SNX29: variants seen among roughly 807,000 people sequenced by gnomAD.
The protein encoded by SNX29 is sorting nexin-29.
A neutral mutation model predicts 102.1 loss-of-function variants in SNX29; 78 were observed. That is an observed-to-expected ratio of 0.76 (90% CI 0.64 to 0.92). The LOEUF (loss-of-function observed/expected upper bound fraction) is 0.92. Ranked by LOEUF, SNX29 falls within the 40% of genes least tolerant of loss-of-function variation. The probability of loss-of-function intolerance (pLI) is 0.00; values close to 1 mark genes in which losing one functional copy is unlikely to be tolerated. For missense variants in SNX29, 1,280 were observed against 1,061.7 expected (o/e 1.21, Z -2.86); for synonymous variants, 580 against 414.5 (o/e 1.40, Z -4.85).
chr16:12,409,188 A>G (rs1332858552), intron 18 of SNX29, among the ~76,000 whole-genome samples: 2 of 152,228 alleles, frequency 1.3e-5, no homozygotes, highest in East Asian at 3.8e-4. Flanking sequence ...GCCGGAGACA[A>G]AATGATTAAG....
intron 15 of SNX29, among the ~76,000 whole-genome samples, chr16:12,321,880 C>G (rs2080943984): frequency 6.6e-6 from 1 of 152,176 alleles, no homozygotes; most frequent in South Asian, 2.1e-4. Flanking sequence ...GATATCACAG[C>G]TGTGCCAGGG....
chr16:12,501,401 C>G (rs543032859), intron 19 of SNX29, among the ~76,000 whole-genome samples: 3 of 152,144 alleles, frequency 2.0e-5, no homozygotes, highest in East Asian at 3.9e-4. Context: ...GAAACGCTAT[C>G]TCTTTAAAAA....
chr16:12,330,952 A>G (rs1309285725), intron 15 of SNX29, among the ~76,000 whole-genome samples: 3 of 152,236 alleles, frequency 2.0e-5, no homozygotes, highest in Non-Finnish European at 4.4e-5. Context: ...CCCCTGGCTT[A>G]TAGGCTGCAG....
At chr16:12,539,190 AG>A (rs1268342174) in intron 20 of SNX29, among the ~76,000 whole-genome samples, 1 of 152,214 alleles carries the variant, frequency 6.6e-6, no homozygotes, top group Non-Finnish European at 1.5e-5. Flanking sequence ...ACACATGCAT[AG>A]ATTTGAGTAA....
At position 12,423,693 on chromosome 16, in the gene SNX29, C is replaced by T. The variant is rs937080725; in HGVS notation, c.2037+20164C>T. On this transcript the variant is annotated intron_variant, in intron 18 of 20. Coordinates refer to ENST00000566228, the MANE Select transcript of SNX29 (RefSeq NM_032167.5). ...TCAAACCATTCTCCTGTCTCAGCCT[C>T]CCGAATAGCTGGGGTTACAGGCGCG... Among the ~76,000 whole-genome samples the T allele has an allele frequency of 1.9e-4, 29 of 152,164 alleles. 1 individual carries two copies. The highest frequency in any genetic ancestry group is 6.5e-4 in the African/African-American group (27 of 41,434).
intron 11 of SNX29, among the ~76,000 whole-genome samples, chr16:12,103,528 T>C (rs1596892321): frequency 1.3e-5 from 2 of 152,326 alleles, no homozygotes; most frequent in East Asian, 3.9e-4. Flanking sequence ...TTACACCTTA[T>C]ACAAAAATTA....
intron 15 of SNX29, among the ~76,000 whole-genome samples, chr16:12,297,593 T>A (rs2080024755): frequency 6.6e-6 from 1 of 152,066 alleles, no homozygotes; most frequent in African/African-American, 2.4e-5. Context: ...GTTATAAAGA[T>A]CACAGAGTTA....
intron 13 of SNX29, chr16:12,135,881 A>G (rs73519809): frequency 0.013 from 4,212 of 331,816 alleles, 188 homozygotes; most frequent in African/African-American, 0.086. Context: ...TGCCAGGTCC[A>G]GGAAGGGGCT....
At chr16:12,417,690 C>A (rs1023276537) in intron 18 of SNX29, among the ~76,000 whole-genome samples, 20 of 151,938 alleles carry the variant, frequency 1.3e-4, no homozygotes, top group African/African-American at 4.1e-4. Context: ...CTCTCCTGTT[C>A]TGTGTCCTCT....
At chr16:12,075,580 G>A (rs188393717) in intron 10 of SNX29, among the ~76,000 whole-genome samples, 23 of 152,348 alleles carry the variant, frequency 1.5e-4, no homozygotes, top group African/African-American at 5.5e-4. Flanking sequence ...CCTACTGGGG[G>A]ATGCCTCCGA....
chr16:12,316,680 T>A (rs906817346), intron 15 of SNX29, among the ~76,000 whole-genome samples: 2 of 152,094 alleles, frequency 1.3e-5, no homozygotes, highest in African/African-American at 4.8e-5. Context: ...CATCTTAAGG[T>A]CCCGCTCACT....
intron 15 of SNX29, among the ~76,000 whole-genome samples, chr16:12,292,372 T>C (rs2079827507): frequency 6.6e-6 from 1 of 152,242 alleles, no homozygotes. Context: ...GTGGTAGGAT[T>C]GGAAAGTTCT....
At chr16:12,188,746 C>T (rs1042039303) in intron 13 of SNX29, among the ~76,000 whole-genome samples, 1 of 152,122 alleles carries the variant, frequency 6.6e-6, no homozygotes, top group Non-Finnish European at 1.5e-5. Flanking sequence ...CTTTTTACAG[C>T]TCCATTTTCC....
chr16:12,348,164 ACC>A (rs1361610220), intron 15 of SNX29, among the ~76,000 whole-genome samples: 3 of 152,132 alleles, frequency 2.0e-5, no homozygotes, highest in Admixed American at 2.0e-4. Flanking sequence ...AGTAGACAGG[ACC>A]TGGATTTGAC....
intron 13 of SNX29, among the ~76,000 whole-genome samples, chr16:12,173,892 G>T (rs2076204117): frequency 6.6e-6 from 1 of 152,176 alleles, no homozygotes; most frequent in Non-Finnish European, 1.5e-5. Context: ...CAATTTTCCT[G>T]CCTCAGCCTC....
At chr16:12,296,300 C>T (rs945863730) in intron 15 of SNX29, among the ~76,000 whole-genome samples, 4 of 152,128 alleles carry the variant, frequency 2.6e-5, no homozygotes, top group Admixed American at 6.5e-5. Flanking sequence ...GTGATAAAAT[C>T]GAGTGGATAA....
intron 13 of SNX29, among the ~76,000 whole-genome samples, chr16:12,187,204 C>G (rs1045256972): frequency 2.6e-5 from 4 of 152,210 alleles, no homozygotes; most frequent in Non-Finnish European, 4.4e-5. Context: ...CTGTGCATGT[C>G]CCCTGGGCAT....
At chr16:12,388,419 C>T (rs1158423827) in intron 16 of SNX29, among the ~76,000 whole-genome samples, 1 of 152,232 alleles carries the variant, frequency 6.6e-6, no homozygotes, top group Non-Finnish European at 1.5e-5. Context: ...TTCTCAAGCC[C>T]TTGACATTTT....
intron 14 of SNX29, among the ~76,000 whole-genome samples, chr16:12,229,431 G>T (rs1298618783): frequency 3.3e-5 from 5 of 152,192 alleles, no homozygotes; most frequent in Non-Finnish European, 5.9e-5. Context: ...AAGAAAAAGA[G>T]TGGTTTCATC....
Sources: allele counts gnomAD v4.1 joint callset (sites outside exome capture counted in the v4.1 genomes callset), GRCh38; gene constraint gnomAD v4.1.1; transcripts MANE v1.5; gene names NCBI Gene and HGNC (gene_info 2026-07-23, HGNC 2026-07-21).